ADGRV1: variants seen among roughly 807,000 people sequenced by gnomAD.
ADGRV1 encodes adhesion G protein-coupled receptor V1.
A neutral mutation model predicts 596.2 loss-of-function variants in ADGRV1; 359 were observed. The observed-to-expected ratio is 0.60, with a 90% confidence interval of 0.55 to 0.66. The LOEUF is 0.66. ADGRV1 is among the 30% of genes least tolerant of loss of function. The pLI is 0.00. For synonymous variants in ADGRV1, 2,681 were observed against 2,679.2 expected (o/e 1.00, Z -0.02); for missense variants, 7,274 against 7,575.6 (o/e 0.96, Z 1.48).
chr5:90,783,396 T>G, intron 66 of ADGRV1, 71 bp downstream of exon 66: 2 of 1,030,890 alleles, frequency 1.9e-6, no homozygotes, highest in Non-Finnish European at 2.9e-6. Context: ...ACATATGTTT[T>G]GCACTGACAA....
rs78924383 is a variant in ADGRV1, at chr5:91,070,001, A to G, written c.18153-2446A>G. 8.0e-3 allele frequency among the ~76,000 whole-genome samples: 1,224 copies of G among 152,184 alleles called. 38 individuals are homozygous for G. In the East Asian group the frequency reaches 0.11, roughly 13 times the overall value. On this transcript the variant is annotated intron_variant, in intron 85 of 89. Transcript: ENST00000405460. ...AGGCCATTATTCTAGGCAAATTAAC[A>G]TAGGAACAAAAAACCAAATACCACG...
chr5:90,860,021 T>C (rs1767397731), intron 82 of ADGRV1, among the ~76,000 whole-genome samples: 1 of 151,222 alleles, frequency 6.6e-6, no homozygotes, highest in African/African-American at 2.4e-5. Flanking sequence ...AGCTCAGGAG[T>C]TCAAGGCTGC....
At chr5:91,054,123 G>A (rs980810120) in intron 85 of ADGRV1, among the ~76,000 whole-genome samples, 1 of 151,622 alleles carries the variant, frequency 6.6e-6, no homozygotes, top group South Asian at 2.1e-4. Context: ...GAGAGAGAGA[G>A]AGAGAGAGAG....
intron 83 of ADGRV1, among the ~76,000 whole-genome samples, chr5:90,902,263 C>T (rs1258620414): frequency 6.6e-6 from 1 of 152,132 alleles, no homozygotes; most frequent in Non-Finnish European, 1.5e-5. Flanking sequence ...TCTCATTCCT[C>T]CTTTTCTGTC....
chr5:91,016,101 A>G (rs1467502969), intron 85 of ADGRV1, among the ~76,000 whole-genome samples: 1 of 151,858 alleles, frequency 6.6e-6, no homozygotes, highest in Non-Finnish European at 1.5e-5. Flanking sequence ...AAAAGATCTT[A>G]TTTCTCCTTT....
In ADGRV1 at chr5:90,776,596, T is replaced by C. The variant is rs766450959; in HGVS notation, c.12527+20T>C. ...TATCAGGTAAGGACTTCATGATTTT[T>C]CTTTGCCTATATGGGGGTTACGAAG... On this transcript the variant is annotated intron_variant, in intron 61 of 89. Transcript: ENST00000405460. 1.2e-5 allele frequency: 19 copies of C among 1,612,800 alleles called. No homozygotes were observed. The East Asian group carries it at 3.8e-4, about 32-fold the overall frequency.
At position 90,957,883 on chromosome 5, in the gene ADGRV1, G is replaced by A. The variant is rs542330733; in HGVS notation, c.17857-7532G>A. ...CCAACCAATGTCTTTCATAAACATA[G>A]ATGCAAATATTCTTAATACAATGTT... On this transcript the variant is annotated intron_variant, in intron 83 of 89. Transcript: ENST00000405460. 5.3e-5 allele frequency among the ~76,000 whole-genome samples: 8 copies of A among 151,728 alleles called. No individual in the cohort carries two copies. The East Asian group carries it at 1.5e-3, about 29-fold the overall frequency.
chr5:90,950,436 C>T (rs1036478729), intron 83 of ADGRV1, among the ~76,000 whole-genome samples: 4 of 152,072 alleles, frequency 2.6e-5, no homozygotes, highest in African/African-American at 9.7e-5. Flanking sequence ...ATTCTTGTGC[C>T]TCAGCCTCCC....
intron 1 of ADGRV1, among the ~76,000 whole-genome samples, chr5:90,597,000 GAT>G (rs745712921): frequency 6.6e-5 from 10 of 152,330 alleles, no homozygotes; most frequent in Admixed American, 2.0e-4. Flanking sequence ...TTATAAGAGA[GAT>G]ATGATCAACT....
chr5:90,825,518 C>A (rs1010318944), intron 76 of ADGRV1, among the ~76,000 whole-genome samples: 1 of 152,112 alleles, frequency 6.6e-6, no homozygotes, highest in African/African-American at 2.4e-5. Context: ...CATTTTATCT[C>A]AAATAGGATT....
At chr5:90,615,419 C>T (rs1241667442) in intron 2 of ADGRV1, among the ~76,000 whole-genome samples, 3 of 151,660 alleles carry the variant, frequency 2.0e-5, no homozygotes, top group Non-Finnish European at 4.4e-5. Flanking sequence ...TTAGTTATGT[C>T]CAAGAGCTCT....
chr5:90,690,306 T>C (rs530946260), intron 30 of ADGRV1, among the ~76,000 whole-genome samples: 21 of 152,348 alleles, frequency 1.4e-4, no homozygotes, highest in African/African-American at 5.1e-4. Context: ...AACTATTGGC[T>C]TTAGGGTGTG....
At chr5:90,628,953 G>A in intron 8 of ADGRV1, 121 bp downstream of exon 8, 1 of 906,360 alleles carries the variant, frequency 1.1e-6, no homozygotes, top group Non-Finnish European at 1.6e-6. Context: ...CACTGGCTTT[G>A]CAAATGATAG....
chr5:90,731,868 TACA>T (rs775895836), intron 50 of ADGRV1, among the ~76,000 whole-genome samples: 13 of 152,242 alleles, frequency 8.5e-5, no homozygotes, highest in Admixed American at 2.6e-4. Context: ...TATGTGTAAA[TACA>T]ACGTTATTTT....
In ADGRV1 at chr5:90,582,709, T is replaced by A. The variant is rs1314785549; in HGVS notation, c.22+23792T>A. Among the ~76,000 whole-genome samples the A allele has an allele frequency of 3.3e-5, 5 of 152,072 alleles. No homozygotes were observed. The East Asian group carries it at 7.7e-4, about 23-fold the overall frequency. ...TCTCCCAAGTAGCTGGGACTATCAG[T>A]GTGCACCACCATGCCCAGCTAATTA... On this transcript the variant is annotated intron_variant, in intron 1 of 89. Transcript: ENST00000405460.
intron 83 of ADGRV1, among the ~76,000 whole-genome samples, chr5:90,948,426 C>G (rs1776779936): frequency 6.6e-6 from 1 of 152,022 alleles, no homozygotes; most frequent in Non-Finnish European, 1.5e-5. Flanking sequence ...CAACTGTTCA[C>G]CAACTAGAAT....
At chr5:90,802,583 A>G (rs1261010778) in intron 70 of ADGRV1, among the ~76,000 whole-genome samples, 156 bp from the exon 71 acceptor site, 2 of 152,104 alleles carry the variant, frequency 1.3e-5, no homozygotes, top group Non-Finnish European at 2.9e-5. Context: ...CACACCCTAC[A>G]TACTGGTGGT....
chr5:90,736,855 T>G (rs181348679), intron 50 of ADGRV1, among the ~76,000 whole-genome samples: 17 of 151,996 alleles, frequency 1.1e-4, no homozygotes, highest in Admixed American at 9.8e-4. Flanking sequence ...AATCTGCACT[T>G]TTTTTCTTAG....
chr5:90,618,029 AATCT>A, intron 3 of ADGRV1, 76 bp downstream of exon 3: 2 of 1,154,522 alleles, frequency 1.7e-6, no homozygotes, highest in African/African-American at 1.6e-5. Context: ...AGTGCTTAAC[AATCT>A]ATCTATCTAG....
Sources: gnomAD v4.1 joint callset for allele counts (sites outside exome capture counted in the v4.1 genomes callset) on GRCh38, gnomAD v4.1.1 for gene constraint, MANE v1.5 for transcripts, NCBI Gene and HGNC (gene_info 2026-07-23, HGNC 2026-07-21) for gene names.